GRIA1: variants seen among roughly 807,000 people sequenced by gnomAD.
GRIA1 encodes the protein glutamate receptor 1.
In GRIA1, 31 loss-of-function variants were observed where a neutral mutation model predicts 99.2. The ratio of observed to expected loss-of-function variants is 0.31; its 90% CI spans 0.23 to 0.42. GRIA1 has a LOEUF of 0.42. Ranked by LOEUF, GRIA1 falls within the 10% of genes least tolerant of loss-of-function variation. GRIA1 has a pLI of 1.00. For missense variants in GRIA1, 782 were observed against 1,157.5 expected, an observed-to-expected ratio of 0.68 and a Z score of 4.71; for synonymous variants, 438 against 432.4, an observed-to-expected ratio of 1.01 and a Z score of -0.16.
At chr5:153,725,626 A>G (rs1203318471) in intron 11 of GRIA1, among the ~76,000 whole-genome samples, 1 of 102,562 alleles carries the variant, frequency 9.8e-6, no homozygotes, top group Non-Finnish European at 1.9e-5. Context: ...TTAAACCAAC[A>G]AAGATCAAAA....
At chr5:153,788,412 G>C (rs549112649) in intron 13 of GRIA1, among the ~76,000 whole-genome samples, 12 of 152,156 alleles carry the variant, frequency 7.9e-5, no homozygotes, top group Non-Finnish European at 1.6e-4. Flanking sequence ...TTATTAACTT[G>C]GTTTAAAAGG....
intron 11 of GRIA1, among the ~76,000 whole-genome samples, chr5:153,707,609 A>G (rs866073643): frequency 8.5e-5 from 13 of 152,292 alleles, no homozygotes; most frequent in Middle Eastern, 3.4e-3. Context: ...ATAAGTGCAT[A>G]ATATCAAGGT....
At chr5:153,732,194 C>T (rs1372452127) in intron 11 of GRIA1, among the ~76,000 whole-genome samples, 1 of 152,036 alleles carries the variant, frequency 6.6e-6, no homozygotes. Context: ...CATGACAGTG[C>T]ATATATCTTT....
chr5:153,647,688 T>C (rs996119531), intron 3 of GRIA1, among the ~76,000 whole-genome samples: 2 of 152,216 alleles, frequency 1.3e-5, no homozygotes, highest in African/African-American at 4.8e-5. Flanking sequence ...TCAAAATTCT[T>C]TCTCTGTTTT....
chr5:153,543,668 T>A (rs1759344576), intron 2 of GRIA1, among the ~76,000 whole-genome samples: 1 of 152,322 alleles, frequency 6.6e-6, no homozygotes, highest in East Asian at 1.9e-4. Flanking sequence ...AAAATAGAGA[T>A]AATTCTAGCA....
chr5:153,811,095 G>A lies in GRIA1; in HGVS notation c.2591G>A (p.Gly864Glu). The change falls in exon 16 of 16, where the codon GGG becomes GAG. Residue 864 changes from glycine to glutamate, a missense_variant. Coordinates refer to ENST00000285900, the MANE Select transcript of GRIA1 (RefSeq NM_000827.4). ...ACATCGACCCTCCCCCGCAACAGCG[G>A]GGCAGGAGCCAGCAGCGGCGGCAGT... ...IRTSTLPRNS[G>E]AGASSGGSGE... 6.2e-7 allele frequency: 1 copy of A among 1,614,098 alleles called. No homozygotes were observed. Among genetic ancestry groups the A allele is most frequent in the Non-Finnish European group, 8.5e-7 (1 of 1,179,972 alleles).
intron 2 of GRIA1, among the ~76,000 whole-genome samples, chr5:153,495,808 T>C (rs1282260320): frequency 2.6e-5 from 4 of 152,220 alleles, no homozygotes; most frequent in Non-Finnish European, 4.4e-5. Flanking sequence ...ATAACCTTTC[T>C]TTACTTTTTA....
chr5:153,685,413 C>A (rs184695563), intron 7 of GRIA1, among the ~76,000 whole-genome samples: 1 of 152,150 alleles, frequency 6.6e-6, no homozygotes, highest in Non-Finnish European at 1.5e-5. Flanking sequence ...TTTGATTTTG[C>A]CCATTTGTGG....
intron 7 of GRIA1, among the ~76,000 whole-genome samples, chr5:153,677,590 G>A (rs909978815): frequency 3.3e-5 from 5 of 152,198 alleles, no homozygotes; most frequent in African/African-American, 1.2e-4. Context: ...ATGTTTCTCA[G>A]TACTTCTGAT....
intron 2 of GRIA1, among the ~76,000 whole-genome samples, chr5:153,642,934 A>G (rs1438057114): frequency 2.6e-5 from 4 of 152,272 alleles, no homozygotes; most frequent in African/African-American, 9.6e-5. Flanking sequence ...TAAGACTCCA[A>G]ATGCATCTAT....
intron 1 of GRIA1, chr5:153,492,388 G>A (rs886416814): frequency 2.1e-5 from 28 of 1,323,856 alleles, no homozygotes; most frequent in Admixed American, 1.5e-4. Context: ...AGCCCAGCCC[G>A]TAGCCTTCTA....
intron 3 of GRIA1, among the ~76,000 whole-genome samples, chr5:153,648,846 C>G (rs536868773): frequency 2.6e-5 from 4 of 151,904 alleles, no homozygotes; most frequent in Non-Finnish European, 4.4e-5. Flanking sequence ...ACACCCCCCC[C>G]CAAGATGTTC....
intron 2 of GRIA1, among the ~76,000 whole-genome samples, chr5:153,527,673 C>T (rs983703095): frequency 1.3e-5 from 2 of 152,174 alleles, no homozygotes; most frequent in Non-Finnish European, 1.5e-5. Flanking sequence ...GGCTTTTCTT[C>T]TACTGCACTG....
At chr5:153,806,923 G>T (rs1766470099) in intron 15 of GRIA1, among the ~76,000 whole-genome samples, 1 of 152,134 alleles carries the variant, frequency 6.6e-6, no homozygotes, top group South Asian at 2.1e-4. Flanking sequence ...CTCCAACATG[G>T]TCTCCACAAA....
Position 153,591,098 on chromosome 5 carries a change from A to C in GRIA1, c.221-55830A>C, listed in dbSNP as rs533771129. Among the ~76,000 whole-genome samples, 3 of 152,336 alleles carry C rather than the reference A, an allele frequency of 2.0e-5. No individual in the cohort carries two copies. The East Asian group carries it at 5.8e-4, about 29-fold the overall frequency. On this transcript the variant is annotated intron_variant, in intron 2 of 15. Transcript: ENST00000285900. Reference sequence around the variant, plus strand: ...GATACACAATTTTAAATTGTTTTTCAGAATGAATCTGAAGAGAGCGAAGAG... The same window carrying C: ...GATACACAATTTTAAATTGTTTTTCCGAATGAATCTGAAGAGAGCGAAGAG...
intron 11 of GRIA1, among the ~76,000 whole-genome samples, chr5:153,708,782 G>A (rs1317388928): frequency 1.3e-5 from 2 of 152,202 alleles, no homozygotes; most frequent in African/African-American, 4.8e-5. Flanking sequence ...GTTTATGCCA[G>A]AGACCAGCCA....
chr5:153,626,718 G>A (rs900364891), intron 2 of GRIA1, among the ~76,000 whole-genome samples: 14 of 152,128 alleles, frequency 9.2e-5, no homozygotes, highest in African/African-American at 3.1e-4. Flanking sequence ...TGTGTAGCAA[G>A]ATGTATTATC....
At chr5:153,670,515 C>T (rs1756083376) in intron 5 of GRIA1, among the ~76,000 whole-genome samples, 2 of 151,706 alleles carry the variant, frequency 1.3e-5, no homozygotes, top group African/African-American at 4.8e-5. Flanking sequence ...TGTAAATAGG[C>T]AAAGTGGCTC....
chr5:153,559,534 AAATATATAAACCAT>A (rs1760937985), intron 2 of GRIA1, among the ~76,000 whole-genome samples: 1 of 152,190 alleles, frequency 6.6e-6, no homozygotes, highest in African/African-American at 2.4e-5. Context: ...CATGTGTAAT[AAATATATAAACCAT>A]AATATAGCTG....
Sources: gnomAD v4.1 joint callset for allele counts (sites outside exome capture counted in the v4.1 genomes callset) on GRCh38, gnomAD v4.1.1 for gene constraint, MANE v1.5 for transcripts, NCBI Gene and HGNC (gene_info 2026-07-23, HGNC 2026-07-21) for gene names.